The following CNTNAP2 variants were observed in gnomAD, a reference collection of about 807,000 sequenced individuals.
CNTNAP2 encodes the protein contactin-associated protein-like 2.
A neutral mutation model predicts 155.2 loss-of-function variants in CNTNAP2; 98 were observed. That is an observed-to-expected ratio of 0.63 (90% CI 0.54 to 0.75). The LOEUF (loss-of-function observed/expected upper bound fraction) is 0.75, where lower values mean the gene tolerates loss of function less well. Among genes scored for constraint, CNTNAP2 ranks in the 30% least tolerant of loss-of-function variants. The pLI, the probability that CNTNAP2 is intolerant of heterozygous loss-of-function variation, is 0.00. For missense variants in CNTNAP2, 1,727 were observed against 1,688.1 expected (o/e 1.02, Z -0.40); for synonymous variants, 651 against 631.2 (o/e 1.03, Z -0.47).
At chr7:147,573,578 C>T (rs1220305016) in intron 12 of CNTNAP2, among the ~76,000 whole-genome samples, 1 of 152,158 alleles carries the variant, frequency 6.6e-6, no homozygotes, top group Non-Finnish European at 1.5e-5. Context: ...CTCCAGGCAG[C>T]AGGGCATGGA....
chr7:148,334,506 A>G (rs935457322), intron 21 of CNTNAP2, among the ~76,000 whole-genome samples: 3 of 152,162 alleles, frequency 2.0e-5, no homozygotes, highest in African/African-American at 7.2e-5. Context: ...AAACACTAGA[A>G]AAGTTAGGAA....
chr7:148,022,468 C>CAAAAA (rs745936599), intron 15 of CNTNAP2, among the ~76,000 whole-genome samples: 1 of 91,110 alleles, frequency 1.1e-5, no homozygotes, highest in Non-Finnish European at 2.1e-5. Flanking sequence ...GACTCCGTCT[C>CAAAAA]AAAAAAAAAA....
intron 1 of CNTNAP2, among the ~76,000 whole-genome samples, chr7:146,428,763 A>G (rs2129116374): frequency 6.6e-6 from 1 of 151,848 alleles, no homozygotes; most frequent in Admixed American, 6.6e-5. Context: ...ATTAGATTCC[A>G]CTTGTCAATT....
chr7:148,188,753 T>C (rs1330281615), intron 18 of CNTNAP2, among the ~76,000 whole-genome samples: 1 of 152,258 alleles, frequency 6.6e-6, no homozygotes, highest in Non-Finnish European at 1.5e-5. Flanking sequence ...TTATAATGTA[T>C]GTACCGTACT....
intron 1 of CNTNAP2, among the ~76,000 whole-genome samples, chr7:146,566,683 C>A (rs1013538113): frequency 2.0e-5 from 3 of 150,866 alleles, no homozygotes; most frequent in Admixed American, 2.0e-4. Flanking sequence ...GGCGACAGAG[C>A]AAGACTCCGT....
chr7:146,392,868 A>G (rs1401491726), intron 1 of CNTNAP2, among the ~76,000 whole-genome samples: 1 of 152,152 alleles, frequency 6.6e-6, no homozygotes, highest in African/African-American at 2.4e-5. Context: ...ATCATCTTCA[A>G]ATCTTCCGTT....
In CNTNAP2 at chr7:147,990,476, TG is replaced by T. The variant is rs1801691205; in HGVS notation, c.2383+12488del. ...AGAGAAGTTTATTGCAGGGTTGAAA[TG>T]TCTCTGGTTGGAGGGGGGTTATCTT... On this transcript the variant is annotated intron_variant, in intron 15 of 23. Transcript: ENST00000361727. 1.3e-5 allele frequency among the ~76,000 whole-genome samples: 2 copies of T among 151,986 alleles called. 1 individual carries two copies. The highest frequency in any genetic ancestry group is 4.2e-4 in the South Asian group (2 of 4,800).
chr7:146,326,607 C>T (rs1450795424), intron 1 of CNTNAP2, among the ~76,000 whole-genome samples: 1 of 152,166 alleles, frequency 6.6e-6, no homozygotes, highest in Non-Finnish European at 1.5e-5. Context: ...ATGTTGATGA[C>T]ACACCACAGC....
chr7:148,130,263 A>G (rs1452479528), intron 16 of CNTNAP2, among the ~76,000 whole-genome samples: 1 of 152,274 alleles, frequency 6.6e-6, no homozygotes, highest in Admixed American at 6.5e-5. Flanking sequence ...ATATAAAGAA[A>G]TGCTATTCTT....
chr7:146,123,202 G>T (rs1797588051), intron 1 of CNTNAP2, among the ~76,000 whole-genome samples: 1 of 152,036 alleles, frequency 6.6e-6, no homozygotes, highest in African/African-American at 2.4e-5. Flanking sequence ...GAGCTCCTGG[G>T]GGCCGTATTC....
At chr7:147,791,403 T>C (rs17824362) in intron 13 of CNTNAP2, among the ~76,000 whole-genome samples, 21,756 of 151,704 alleles carry the variant, frequency 0.14, 1,843 homozygotes, top group Middle Eastern at 0.27. Flanking sequence ...ATACCTCTTG[T>C]TTGATATATA....
chr7:148,039,529 A>T (rs572766152), intron 15 of CNTNAP2, among the ~76,000 whole-genome samples: 1 of 152,286 alleles, frequency 6.6e-6, no homozygotes, highest in African/African-American at 2.4e-5. Flanking sequence ...CCATCACAGC[A>T]ACTGGGCACC....
At chr7:146,219,322 G>A (rs1483086201) in intron 1 of CNTNAP2, among the ~76,000 whole-genome samples, 1 of 152,122 alleles carries the variant, frequency 6.6e-6, no homozygotes, top group Admixed American at 6.6e-5. Context: ...CTCTGCAAAT[G>A]ATTCCCCTCC....
intron 15 of CNTNAP2, among the ~76,000 whole-genome samples, chr7:148,016,852 G>C (rs896527494): frequency 1.3e-5 from 2 of 152,118 alleles, no homozygotes; most frequent in African/African-American, 4.8e-5. Context: ...TTCTGGAATA[G>C]CATTCCTTCC....
chr7:146,156,176 C>A (rs757628297), intron 1 of CNTNAP2, among the ~76,000 whole-genome samples: 4 of 152,010 alleles, frequency 2.6e-5, no homozygotes, highest in Non-Finnish European at 4.4e-5. Flanking sequence ...ATTAAATGTG[C>A]AGAGGGTTTC....
At chr7:147,645,560 C>T (rs1433110583) in intron 13 of CNTNAP2, among the ~76,000 whole-genome samples, 3 of 152,154 alleles carry the variant, frequency 2.0e-5, no homozygotes, top group Non-Finnish European at 4.4e-5. Flanking sequence ...ACTCAGACAA[C>T]TAGCATCTGC....
At chr7:147,015,332 G>GT in intron 3 of CNTNAP2, among the ~76,000 whole-genome samples, 1 of 152,028 alleles carries the variant, frequency 6.6e-6, no homozygotes, top group Admixed American at 6.6e-5. Flanking sequence ...CTTAGCACCT[G>GT]TCTGACATTT....
In CNTNAP2 at chr7:146,434,597, G is replaced by A. The variant is rs561040595; in HGVS notation, c.97+317624G>A. Reference sequence around the variant, plus strand: ...GTGGGAGCACAATTTTAGGCAGGTGGTGAAGAAATTTTGAAACAAATTCTG... The same window carrying A: ...GTGGGAGCACAATTTTAGGCAGGTGATGAAGAAATTTTGAAACAAATTCTG... On this transcript the variant is annotated intron_variant, in intron 1 of 23. Coordinates refer to ENST00000361727, the MANE Select transcript of CNTNAP2 (RefSeq NM_014141.6). 3.3e-5 allele frequency among the ~76,000 whole-genome samples: 5 copies of A among 152,216 alleles called. No homozygotes were observed. The South Asian group carries it at 8.3e-4, about 25-fold the overall frequency.
intron 17 of CNTNAP2, among the ~76,000 whole-genome samples, chr7:148,150,583 G>A (rs570555766): frequency 6.6e-6 from 1 of 151,910 alleles, no homozygotes; most frequent in Non-Finnish European, 1.5e-5. Flanking sequence ...CTAACACCTA[G>A]TTCAACAGCT....
Sources: allele counts gnomAD v4.1 joint callset (sites outside exome capture counted in the v4.1 genomes callset), GRCh38; gene constraint gnomAD v4.1.1; transcripts MANE v1.5; gene names NCBI Gene and HGNC (gene_info 2026-07-23, HGNC 2026-07-21).